The following OR10G7 variants were observed in gnomAD, a reference collection of about 807,000 sequenced individuals.
OR10G7 encodes the protein olfactory receptor family 10 subfamily G member 7.
For missense variants in OR10G7, 338 were observed against 382.1 expected (o/e 0.88, Z 0.96); for synonymous variants, 165 against 167.4 (o/e 0.99, Z 0.11).
intron 1 of OR10G7, among the ~76,000 whole-genome samples, chr11:124,040,102 C>T (rs527491581): frequency 2.6e-5 from 4 of 152,176 alleles, no homozygotes; most frequent in African/African-American, 9.6e-5. Context: ...TCTATTTATA[C>T]ATTTTGTATT....
At position 124,036,654 on chromosome 11, in the gene OR10G7, G is replaced by GT. The variant is rs1864194638; in HGVS notation, c.*1411dup. 1 of 152,156 alleles carries GT rather than the reference G, an allele frequency of 6.6e-6. No homozygotes were observed. Among genetic ancestry groups the GT allele is most frequent in the African/African-American group, 2.4e-5 (1 of 41,420 alleles). 9.4% of individuals were successfully genotyped at this position (152,156 alleles called of 1,614,324 possible). A position where few individuals can be genotyped will look rare whatever the true frequency, so the allele number is the denominator to read the frequency against. ...GTAATTTTGGTTTATGTCTACCTCA[G>GT]TTTTTTCCTTTGAGAAATGAGCTGA... On this transcript the variant is annotated 3_prime_UTR_variant, in exon 2 of 2. Coordinates refer to ENST00000641585, the MANE Select transcript of OR10G7 (RefSeq NM_001004463.2).
At chr11:124,039,069 T>C in intron 1 of OR10G7, 48 bp from the exon 2 acceptor site, 1 of 1,500,114 alleles carries the variant, frequency 6.7e-7, no homozygotes, top group Non-Finnish European at 9.0e-7. Flanking sequence ...TGAGCATGTT[T>C]TATATGAAAT....
chr11:124,038,643 T>A lies in OR10G7; in HGVS notation c.359A>T (p.Asp120Val). ...ECFLYTVMSY[D>V]RYLAISYPLR... The stretch of plus-strand genomic sequence containing the variant: ...CGGGTAACTGATGGCCAGGTAGCGA[T>A]CATAGGACATGACTGTGTAGAGGAA... Residue 120 changes from aspartate (D) to valine (V), a missense_variant, in exon 2 of 2, where the codon GAT becomes GTT. Physicochemically the swap from Asp to Val is radical, Grantham distance 152. Coordinates refer to ENST00000641585, the MANE Select transcript of OR10G7 (RefSeq NM_001004463.2). 1 of 1,613,814 alleles carries A rather than the reference T, an allele frequency of 6.2e-7. No individual in the cohort carries two copies. The highest frequency in any genetic ancestry group is 8.5e-7 in the Non-Finnish European group (1 of 1,179,966).
Position 124,036,095 on chromosome 11 carries a change from G to A in OR10G7, c.*1971C>T, listed in dbSNP as rs557579804. 6.6e-6 allele frequency: 1 copy of A among 152,230 alleles called. No homozygotes were observed. Among genetic ancestry groups the A allele is most frequent in the South Asian group, 2.1e-4 (1 of 4,824 alleles). The allele number at this position is 152,230 out of a possible 1,614,324, so 9.4% of individuals were successfully genotyped here. ...AACTAGAAAAATCTGAATAAGATTTGTGGATTATAATAATGTCAATATCCC... is the reference window on the plus strand; with the variant it reads ...AACTAGAAAAATCTGAATAAGATTTATGGATTATAATAATGTCAATATCCC... On this transcript the variant is annotated 3_prime_UTR_variant, in exon 2 of 2. Coordinates refer to ENST00000641585, the MANE Select transcript of OR10G7 (RefSeq NM_001004463.2).
In OR10G7 at chr11:124,038,726, G is replaced by A. The variant is rs1438105068; in HGVS notation, c.276C>T (p.Ser92=). ...AGAGCTGAGCCACGCAGCTGTGGAA[G>A]GAGATAGTCCTGCCGCTTGGGGACA... ...TLVSPSGRTI[S]FHSCVAQLYF... The change falls in exon 2 of 2, where the codon TCC becomes TCT. Residue 92 remains serine, a synonymous_variant. Transcript: ENST00000641585. 3 of 1,614,048 alleles carry A rather than the reference G, an allele frequency of 1.9e-6. No homozygotes were observed. In the East Asian group the frequency reaches 6.7e-5, roughly 36 times the overall value.
In OR10G7 at chr11:124,038,529, TG is replaced by T. The variant is rs749848793; in HGVS notation, c.472del (p.Gln158ArgfsTer4). The stretch of plus-strand genomic sequence containing the variant: ...GGGCAAATGGAAAGTCAATATGGTC[TG>T]GACAGCAGAGTGCAGAGAGCCACTG... ...WLSGSLHSAV[Q>X]TILTFHLPYC... On this transcript the variant is annotated frameshift_variant, in exon 2 of 2. Transcript: ENST00000641585. LOFTEE classifies it low-confidence loss of function (END_TRUNC). The T allele has an allele frequency of 8.7e-6, 14 of 1,613,664 alleles. No homozygotes were observed. In the African/African-American group the frequency reaches 1.6e-4, roughly 18 times the overall value.
Position 124,037,844 on chromosome 11 carries a change from A to T in OR10G7, c.*222T>A, listed in dbSNP as rs1864203806. On this transcript the variant is annotated 3_prime_UTR_variant, in exon 2 of 2. Coordinates refer to ENST00000641585, the MANE Select transcript of OR10G7 (RefSeq NM_001004463.2). Reference sequence around the variant, plus strand: ...GATTACTTAATGGAACGTGAAAAGAATAGACTATTATCCTTTCTCTTAGAT... The same window carrying T: ...GATTACTTAATGGAACGTGAAAAGATTAGACTATTATCCTTTCTCTTAGAT... The T allele has an allele frequency of 2.9e-6, 1 of 345,092 alleles. No individual in the cohort carries two copies. Among genetic ancestry groups the T allele is most frequent in the Admixed American group, 4.2e-5 (1 of 23,632 alleles). 21.4% of individuals were successfully genotyped at this position (345,092 alleles called of 1,614,324 possible). A position where few individuals can be genotyped will look rare whatever the true frequency, so the allele number is the denominator to read the frequency against.
chr11:124,037,229 A>T lies in OR10G7; in HGVS notation c.*837T>A, dbSNP rs556959436. On this transcript the variant is annotated 3_prime_UTR_variant, in exon 2 of 2. Transcript: ENST00000641585. ...TCTAATTACATGGGAAATATTATCT[A>T]GTACTTTATTCTAAATTAAGGGATA... 2.0e-5 allele frequency: 3 copies of T among 152,320 alleles called. No individual in the cohort carries two copies. Among genetic ancestry groups the T allele is most frequent in the African/African-American group, 7.2e-5 (3 of 41,582 alleles). 9.4% of individuals were successfully genotyped at this position (152,320 alleles called of 1,614,324 possible).
chr11:124,039,079 T>TA, intron 1 of OR10G7, 58 bp from the exon 2 acceptor site: 1 of 1,453,882 alleles, frequency 6.9e-7, no homozygotes, highest in Non-Finnish European at 9.3e-7. Context: ...TTATATGAAA[T>TA]ATGGCAACTA....
intron 1 of OR10G7, 124 bp from the exon 2 acceptor site, chr11:124,039,145 C>T: frequency 9.5e-7 from 1 of 1,047,712 alleles, no homozygotes; most frequent in Non-Finnish European, 1.4e-6. Flanking sequence ...TTATAACTTC[C>T]TTTTGCTTCA....
Position 124,038,075 on chromosome 11 carries a change from C to T in OR10G7, c.927G>A (p.Gln309=). The T allele has an allele frequency of 3.7e-6, 6 of 1,603,112 alleles. No homozygotes were observed. Among genetic ancestry groups the T allele is most frequent in the Non-Finnish European group, 5.1e-6 (6 of 1,174,582 alleles). Residue 309 remains glutamine, a synonymous_variant, in exon 2 of 2, where the codon CAG becomes CAA. Coordinates refer to ENST00000641585, the MANE Select transcript of OR10G7 (RefSeq NM_001004463.2). ...LKLKNGSVFA[Q]GE is the part of the protein sequence containing the mutation. ...ATATGGCCTTTCTTAACTATTCACCCTGAGCAAATACTGACCCATTTTTCA... is the reference window on the plus strand; with the variant it reads ...ATATGGCCTTTCTTAACTATTCACCTTGAGCAAATACTGACCCATTTTTCA...
intron 1 of OR10G7, among the ~76,000 whole-genome samples, chr11:124,039,746 G>T (rs1035543547): frequency 3.9e-5 from 6 of 152,146 alleles, no homozygotes; most frequent in African/African-American, 1.2e-4. Flanking sequence ...AGAGCTGCCA[G>T]CAAGCGAGCA....
In OR10G7 at chr11:124,038,527, T is replaced by C. The variant is rs201972627; in HGVS notation, c.475A>G (p.Thr159Ala). Residue 159 changes from threonine to alanine, a missense_variant, in exon 2 of 2, where the codon ACC becomes GCC. Transcript: ENST00000641585. Reference sequence around the variant, plus strand: ...TAGGGCAAATGGAAAGTCAATATGGTCTGGACAGCAGAGTGCAGAGAGCCA... The same window carrying C: ...TAGGGCAAATGGAAAGTCAATATGGCCTGGACAGCAGAGTGCAGAGAGCCA... Reference protein sequence around the residue: ...LSGSLHSAVQTILTFHLPYCG... With the variant: ...LSGSLHSAVQAILTFHLPYCG... The C allele has an allele frequency of 7.2e-5, 116 of 1,613,700 alleles. No individual in the cohort carries two copies. In the East Asian group the frequency reaches 1.0e-3, roughly 15 times the overall value.
At chr11:124,039,164 C>T in intron 1 of OR10G7, 143 bp from the exon 2 acceptor site, 2 of 852,032 alleles carry the variant, frequency 2.3e-6, no homozygotes, top group South Asian at 4.0e-5. Flanking sequence ...CAGTATAGGT[C>T]TTTGAAGAGG....
rs11827843 is a variant in OR10G7 at position 124,038,964 on chromosome 11, G to A, written c.38C>T (p.Thr13Met). Residue 13 changes from threonine to methionine, a missense_variant, in exon 2 of 2, where the codon ACG (threonine) becomes ATG (methionine). By Grantham distance (81) the Thr-to-Met change is moderately conservative. Coordinates refer to ENST00000641585, the MANE Select transcript of OR10G7 (RefSeq NM_001004463.2). ...CAGCCCTGGGGCATGGGGAAGGCCC[G>A]TGAGGATGAACGCTGTCAGTAGGGT... The part of the protein sequence containing the change: ...NATLLTAFIL[T>M]GLPHAPGLDA... The A allele has an allele frequency of 0.03, 48,925 of 1,613,034 alleles. 1,836 individuals are homozygous for A. Among genetic ancestry groups the A allele is most frequent in the African/African-American group, 0.16 (12,001 of 74,888 alleles).
chr11:124,039,060 G>A (rs912273471), intron 1 of OR10G7, 39 bp from the exon 2 acceptor site: 1 of 1,533,462 alleles, frequency 6.5e-7, no homozygotes, highest in South Asian at 1.2e-5. Context: ...CATTTACTGT[G>A]AGCATGTTTT....
rs371655001 is a variant in OR10G7 at position 124,038,384 on chromosome 11, G to A, written c.618C>T (p.Ala206=). 1.9e-6 allele frequency: 3 copies of A among 1,613,988 alleles called. No individual in the cohort carries two copies. Among genetic ancestry groups the A allele is most frequent in the Non-Finnish European group, 2.5e-6 (3 of 1,180,018 alleles). Residue 206 remains alanine (A), a synonymous_variant, in exon 2 of 2, where the codon GCC becomes GCT. Transcript: ENST00000641585. ...GCACTATCAGGACAAAGCAGCCCGA[G>A]GCCACTAGCCCAATATTCACAAAGA... ...MVIFVNIGLV[A]SGCFVLIVLS...
At position 124,036,613 on chromosome 11, in the gene OR10G7, T is replaced by C. The variant is rs928938106; in HGVS notation, c.*1453A>G. The C allele has an allele frequency of 6.6e-6, 1 of 152,220 alleles. No individual in the cohort carries two copies. The highest frequency in any genetic ancestry group is 2.4e-5 in the African/African-American group (1 of 41,452). 9.4% of individuals were successfully genotyped at this position (152,220 alleles called of 1,614,324 possible). A position where few individuals can be genotyped will look rare whatever the true frequency, so the allele number is the denominator to read the frequency against. ...TTACAGAGAAGTGTAAGAATCCAAGTGAATCCAATGACTAAGTAATTTTGG... is the reference window on the plus strand; with the variant it reads ...TTACAGAGAAGTGTAAGAATCCAAGCGAATCCAATGACTAAGTAATTTTGG... On this transcript the variant is annotated 3_prime_UTR_variant, in exon 2 of 2. Coordinates refer to ENST00000641585, the MANE Select transcript of OR10G7 (RefSeq NM_001004463.2).
At position 124,036,671 on chromosome 11, in the gene OR10G7, A is replaced by G. The variant is rs534592157; in HGVS notation, c.*1395T>C. The G allele has an allele frequency of 6.6e-6, 1 of 152,360 alleles. No homozygotes were observed. The highest frequency in any genetic ancestry group is 2.1e-4 in the South Asian group (1 of 4,826). The allele number at this position is 152,360 out of a possible 1,614,324, so 9.4% of individuals were successfully genotyped here. ...CTACCTCAGTTTTTTCCTTTGAGAAATGAGCTGAATTATATAATTGGTCCA... is the reference window on the plus strand; with the variant it reads ...CTACCTCAGTTTTTTCCTTTGAGAAGTGAGCTGAATTATATAATTGGTCCA... On this transcript the variant is annotated 3_prime_UTR_variant, in exon 2 of 2. Coordinates refer to ENST00000641585, the MANE Select transcript of OR10G7 (RefSeq NM_001004463.2).
Sources: allele counts gnomAD v4.1 joint callset (sites outside exome capture counted in the v4.1 genomes callset), GRCh38; gene constraint gnomAD v4.1.1; transcripts MANE v1.5; gene names NCBI Gene and HGNC (gene_info 2026-07-23, HGNC 2026-07-21).